The following NAPSA variants were observed in gnomAD, a reference collection of about 807,000 sequenced individuals.
NAPSA encodes napsin-A.
NAPSA carries 37 observed loss-of-function variants against 36.7 expected under a neutral mutation model. That is an observed-to-expected ratio of 1.01 (90% CI 0.78 to 1.33). NAPSA has a LOEUF of 1.33. Among genes scored for constraint, NAPSA ranks in the 40% most tolerant of loss-of-function variants. The pLI, the probability that NAPSA is intolerant of heterozygous loss-of-function variation, is 0.00. For synonymous variants in NAPSA, 222 were observed against 234.5 expected (o/e 0.95, Z 0.49); for missense variants, 532 against 543.8 (o/e 0.98, Z 0.21).
At chr19:50,359,945 CCCA>C (rs1465979878) in intron 5 of NAPSA, 83 bp from the exon 6 acceptor site, 6 of 1,535,212 alleles carry the variant, frequency 3.9e-6, no homozygotes, top group Non-Finnish European at 5.3e-6. Flanking sequence ...AATGGCACTT[CCCA>C]CCAACTGGGT....
At chr19:50,366,957 C>T (rs2037556574), upstream of NAPSA, among the ~76,000 whole-genome samples, 1 of 152,102 alleles carries the variant, frequency 6.6e-6, no homozygotes, top group African/African-American at 2.4e-5. Flanking sequence ...TCTCAGCCTC[C>T]CAAGTAGCTG....
At chr19:50,366,978 C>T (rs986697659), upstream of NAPSA, among the ~76,000 whole-genome samples, 1 of 152,008 alleles carries the variant, frequency 6.6e-6, no homozygotes, top group African/African-American at 2.4e-5. Context: ...GGATTATAGG[C>T]GCATGCCAGC....
At position 50,361,800 on chromosome 19, in the gene NAPSA, A is replaced by G. The variant is rs376308207; in HGVS notation, c.350-19T>C. On this transcript the variant is annotated intron_variant, in intron 3 of 8. Transcript: ENST00000253719. ...TGTAACCCTAGGTTAGAGGTCAGAAAGGTGTCATGGGGGAGGGAATCTCCC... is the reference window on the plus strand; with the variant it reads ...TGTAACCCTAGGTTAGAGGTCAGAAGGGTGTCATGGGGGAGGGAATCTCCC... 3 of 1,611,872 alleles carry G rather than the reference A, an allele frequency of 1.9e-6. No homozygotes were observed. Among genetic ancestry groups the G allele is most frequent in the East Asian group, 2.2e-5 (1 of 44,860 alleles).
chr19:50,365,473 T>G, intron 1 of NAPSA, 66 bp downstream of exon 1: 1 of 1,510,934 alleles, frequency 6.6e-7, no homozygotes. Context: ...CTGGGAGTCC[T>G]AGACTTAAAG....
chr19:50,359,720 C>T lies in NAPSA; in HGVS notation c.791+20G>A. The T allele has an allele frequency of 6.2e-7, 1 of 1,614,236 alleles. No homozygotes were observed. Among genetic ancestry groups the T allele is most frequent in the Non-Finnish European group, 8.5e-7 (1 of 1,180,052 alleles). On this transcript the variant is annotated intron_variant, in intron 6 of 8. Coordinates refer to ENST00000253719, the MANE Select transcript of NAPSA (RefSeq NM_004851.3). ...GGCCCCCAGCCTCCAGCTCCAGAGCCAGGAGACCAAGTCCCTCACCGCTCC... is the reference window on the plus strand; with the variant it reads ...GGCCCCCAGCCTCCAGCTCCAGAGCTAGGAGACCAAGTCCCTCACCGCTCC...
At chr19:50,368,573 C>A (rs189173073), upstream of NAPSA, among the ~76,000 whole-genome samples, 4 of 152,232 alleles carry the variant, frequency 2.6e-5, no homozygotes, top group East Asian at 7.7e-4. Flanking sequence ...CTGAAGCAGC[C>A]GAACGTGTCC....
upstream of NAPSA, among the ~76,000 whole-genome samples, chr19:50,366,691 A>T (rs2037553571): frequency 1.4e-5 from 2 of 139,996 alleles, no homozygotes; most frequent in African/African-American, 5.1e-5. Context: ...ATTTATTTAG[A>T]TGGAGTTTTG....
upstream of NAPSA, among the ~76,000 whole-genome samples, chr19:50,368,157 C>CAA (rs56938224): frequency 1.9e-3 from 120 of 63,882 alleles, no homozygotes; most frequent in Middle Eastern, 0.01. Flanking sequence ...GACTCCCTCT[C>CAA]AAAAAAAAAA....
upstream of NAPSA, among the ~76,000 whole-genome samples, chr19:50,368,981 G>C (rs552565872): frequency 6.6e-6 from 1 of 152,308 alleles, no homozygotes; most frequent in South Asian, 2.1e-4. Flanking sequence ...TGCCGAACAC[G>C]GCCCGGCCAA....
chr19:50,368,862 G>A (rs2037581570), upstream of NAPSA, among the ~76,000 whole-genome samples: 1 of 152,218 alleles, frequency 6.6e-6, no homozygotes, highest in Non-Finnish European at 1.5e-5. Flanking sequence ...CGCCCTAGCA[G>A]TTCCCACCGC....
chr19:50,365,371 G>A (rs1051164535), intron 1 of NAPSA, among the ~76,000 whole-genome samples, 168 bp downstream of exon 1: 5 of 152,156 alleles, frequency 3.3e-5, no homozygotes, highest in Non-Finnish European at 7.4e-5. Flanking sequence ...TGTCAGAGTG[G>A]AGCCCTTAGG....
upstream of NAPSA, among the ~76,000 whole-genome samples, chr19:50,367,346 C>T (rs1385177142): frequency 6.6e-6 from 1 of 152,172 alleles, no homozygotes; most frequent in African/African-American, 2.4e-5. Flanking sequence ...TCCAGGTATT[C>T]AAAAGTACTT....
chr19:50,366,727 A>G (rs1387031900), upstream of NAPSA, among the ~76,000 whole-genome samples: 3 of 151,678 alleles, frequency 2.0e-5, no homozygotes, highest in African/African-American at 7.3e-5. Context: ...CTGCAGTGCA[A>G]TGGTGTGATC....
At chr19:50,365,019 A>G (rs945126334) in intron 1 of NAPSA, among the ~76,000 whole-genome samples, 4 of 136,036 alleles carry the variant, frequency 2.9e-5, no homozygotes, top group Non-Finnish European at 6.1e-5. Context: ...ATAAATAATA[A>G]TAATAATAAT....
Position 50,358,797 on chromosome 19 carries a change from C to T in NAPSA, c.1036-17G>A. On this transcript the variant is annotated splice_polypyrimidine_tract_variant and intron_variant, in intron 8 of 8. Transcript: ENST00000253719. ...TCGAGTAGTCTGCAAGGCAACAAGA[C>T]GACAACTGGGTGTCGCGGCCACAAG... 2 of 1,593,526 alleles carry T rather than the reference C, an allele frequency of 1.3e-6. No homozygotes were observed. Among genetic ancestry groups the T allele is most frequent in the Non-Finnish European group, 1.7e-6 (2 of 1,168,712 alleles).
At chr19:50,367,464 T>C (rs1342019580), upstream of NAPSA, among the ~76,000 whole-genome samples, 1 of 152,136 alleles carries the variant, frequency 6.6e-6, no homozygotes, top group Non-Finnish European at 1.5e-5. Flanking sequence ...TTAGATAAGA[T>C]CCAGAAGATT....
intron 8 of NAPSA, 76 bp from the exon 9 acceptor site, chr19:50,358,856 C>A: frequency 7.1e-7 from 1 of 1,416,590 alleles, no homozygotes; most frequent in South Asian, 1.3e-5. Context: ...GTCCATCCCC[C>A]CCACCCTCGG....
upstream of NAPSA, chr19:50,365,900 C>T (rs749786037): frequency 3.1e-6 from 1 of 319,716 alleles, no homozygotes; most frequent in African/African-American, 2.1e-5. Context: ...CTCCCACCCC[C>T]CCATCCTTCA....
chr19:50,361,898 A>G, intron 3 of NAPSA, 71 bp downstream of exon 3: 1 of 1,599,628 alleles, frequency 6.3e-7, no homozygotes, highest in Non-Finnish European at 8.5e-7. Flanking sequence ...AAAGCCTCTG[A>G]GAAGCTGAGG....
Sources: gnomAD v4.1 joint callset for allele counts (sites outside exome capture counted in the v4.1 genomes callset) on GRCh38, gnomAD v4.1.1 for gene constraint, MANE v1.5 for transcripts, NCBI Gene and HGNC (gene_info 2026-07-23, HGNC 2026-07-21) for gene names.